Variants in TMIGD3 observed in about 807,000 individuals in gnomAD.
The protein encoded by TMIGD3 is AD026 protein (AD026).
A neutral mutation model predicts 28.1 loss-of-function variants in TMIGD3; 21 were observed. The observed-to-expected ratio is 0.75, with a 90% CI of 0.53 to 1.08. The LOEUF is 1.08. Among genes scored for constraint, TMIGD3 ranks in the 50% least tolerant of loss-of-function variants. The pLI, the probability that TMIGD3 is intolerant of heterozygous loss-of-function variation, is 0.00. For synonymous variants in TMIGD3, 151 were observed against 162.1 expected (o/e 0.93, Z 0.52); for missense variants, 416 against 435.6 (o/e 0.96, Z 0.40).
chr1:111,562,774 A>G (rs1384231906), intron 1 of TMIGD3, among the ~76,000 whole-genome samples: 1 of 152,216 alleles, frequency 6.6e-6, no homozygotes, highest in Non-Finnish European at 1.5e-5. Context: ...TCCTCTTGAT[A>G]GGCTGGAAGA....
intron 1 of TMIGD3, among the ~76,000 whole-genome samples, chr1:111,509,480 TC>T (rs1655620580): frequency 6.6e-6 from 1 of 152,138 alleles, no homozygotes; most frequent in African/African-American, 2.4e-5. Flanking sequence ...AGACTTTGGA[TC>T]CCGGTGTTGA....
At chr1:111,539,224 T>G (rs557656758) in intron 1 of TMIGD3, among the ~76,000 whole-genome samples, 1 of 152,364 alleles carries the variant, frequency 6.6e-6, no homozygotes, top group South Asian at 2.1e-4. Flanking sequence ...TACCTGATAC[T>G]ATGCTCTTCA....
chr1:111,522,400 C>T (rs949884759), intron 1 of TMIGD3, among the ~76,000 whole-genome samples: 1 of 152,238 alleles, frequency 6.6e-6, no homozygotes, highest in Non-Finnish European at 1.5e-5. Context: ...CGAACACACA[C>T]ATCATATCTC....
intron 1 of TMIGD3, among the ~76,000 whole-genome samples, chr1:111,549,649 CAAA>C (rs370585012): frequency 1.7e-4 from 16 of 94,402 alleles, no homozygotes; most frequent in Admixed American, 4.6e-4. Context: ...GACTCTGTTT[CAAA>C]AAAAAAAAAA....
intron 1 of TMIGD3, chr1:111,500,629 GGAGA>G: frequency 7.0e-7 from 1 of 1,424,382 alleles, no homozygotes; most frequent in Non-Finnish European, 9.7e-7. Context: ...AGCTGGTAAA[GGAGA>G]GAGAGAGAGG....
At chr1:111,557,805 TA>T (rs1236509336) in intron 1 of TMIGD3, among the ~76,000 whole-genome samples, 1 of 152,058 alleles carries the variant, frequency 6.6e-6, no homozygotes, top group Non-Finnish European at 1.5e-5. Flanking sequence ...GGATAAGAAG[TA>T]AAACAAACAG....
intron 1 of TMIGD3, among the ~76,000 whole-genome samples, chr1:111,555,192 C>G (rs913572613): frequency 6.6e-6 from 1 of 151,256 alleles, no homozygotes; most frequent in Non-Finnish European, 1.5e-5. Flanking sequence ...GTGACAAGAC[C>G]CTGTCTCTAC....
intron 1 of TMIGD3, among the ~76,000 whole-genome samples, chr1:111,515,602 G>A (rs552715223): frequency 6.6e-6 from 1 of 152,196 alleles, no homozygotes; most frequent in East Asian, 1.9e-4. Context: ...TGGGTTCCGC[G>A]GCAGCACGGG....
intron 1 of TMIGD3, among the ~76,000 whole-genome samples, chr1:111,536,599 C>T (rs1254360777): frequency 2.0e-5 from 3 of 152,196 alleles, no homozygotes; most frequent in Admixed American, 6.5e-5. Context: ...TCCATTTCAT[C>T]GCTCATACCC....
At chr1:111,532,193 C>T (rs2101015255) in intron 1 of TMIGD3, among the ~76,000 whole-genome samples, 1 of 152,272 alleles carries the variant, frequency 6.6e-6, no homozygotes, top group South Asian at 2.1e-4. Context: ...GGGAGACCCT[C>T]TTCAAATCTC....
At position 111,511,674 on chromosome 1, in the gene TMIGD3, T is replaced by TACACACACACACACACACACACAC. The variant is rs72064023; in HGVS notation, c.108-20936_108-20913dup. Among the ~76,000 whole-genome samples, 1,112 of 148,878 alleles carry TACACACACACACACACACACACAC rather than the reference T, an allele frequency of 7.5e-3. 14 individuals carry two copies. Among genetic ancestry groups the TACACACACACACACACACACACAC allele is most frequent in the African/African-American group, 0.026 (1,043 of 40,102 alleles). ...GTGATCTATCTCAAATGGTGCCCTT[T>TACACACACACACACACACACACAC]ACACACACACACACACACACACACG... On this transcript the variant is annotated intron_variant, in intron 1 of 5. Coordinates refer to the TMIGD3 transcript ENST00000369717.
chr1:111,526,660 G>T (rs1571436848), intron 1 of TMIGD3, among the ~76,000 whole-genome samples: 2 of 152,296 alleles, frequency 1.3e-5, no homozygotes, highest in East Asian at 3.9e-4. Context: ...TATAATGAAA[G>T]AACCTGCATT....
intron 1 of TMIGD3, among the ~76,000 whole-genome samples, chr1:111,561,503 G>T (rs1657735167): frequency 6.6e-6 from 1 of 152,142 alleles, no homozygotes; most frequent in South Asian, 2.1e-4. Flanking sequence ...GATTGTGTAT[G>T]TATTGGGGGA....
At chr1:111,513,211 T>C (rs559563201) in intron 1 of TMIGD3, among the ~76,000 whole-genome samples, 1 of 152,270 alleles carries the variant, frequency 6.6e-6, no homozygotes, top group South Asian at 2.1e-4. Flanking sequence ...GTTTCTTGAG[T>C]GTCATTCATT....
intron 1 of TMIGD3, among the ~76,000 whole-genome samples, chr1:111,531,208 G>A (rs967202388): frequency 1.3e-5 from 2 of 151,908 alleles, no homozygotes; most frequent in Admixed American, 6.5e-5. Flanking sequence ...AGCCTGGGAG[G>A]CAGAGGTTGC....
rs902772921 is a variant in TMIGD3, at chr1:111,528,305, G to T, written c.107+35541C>A. On this transcript the variant is annotated intron_variant, in intron 1 of 5. Transcript: ENST00000369717. The stretch of plus-strand genomic sequence containing the variant: ...GACATTGTATTGCCTTTGCTCACTT[G>T]TCAAAAATCAATTGACCATATTTAT... 5.3e-5 allele frequency among the ~76,000 whole-genome samples: 8 copies of T among 152,214 alleles called. No individual in the cohort carries two copies. The East Asian group carries it at 1.5e-3, about 29-fold the overall frequency.
At chr1:111,533,202 T>C (rs1308149136) in intron 1 of TMIGD3, among the ~76,000 whole-genome samples, 1 of 152,136 alleles carries the variant, frequency 6.6e-6, no homozygotes, top group Non-Finnish European at 1.5e-5. Flanking sequence ...ACAAGTTTTT[T>C]CCCCTCCACT....
At chr1:111,499,821 G>A (rs1267602682) in intron 1 of TMIGD3, 2 of 1,509,462 alleles carry the variant, frequency 1.3e-6, no homozygotes, top group African/African-American at 1.4e-5. Flanking sequence ...GGGGAGCACT[G>A]GAGATGCTCC....
chr1:111,487,722 T>C (rs1654451512), intron 3 of TMIGD3, among the ~76,000 whole-genome samples: 1 of 152,224 alleles, frequency 6.6e-6, no homozygotes, highest in Non-Finnish European at 1.5e-5. Flanking sequence ...ACCTTCCCTG[T>C]GGTCTCCAAA....
Sources: gnomAD v4.1 joint callset for allele counts (sites outside exome capture counted in the v4.1 genomes callset) on GRCh38, gnomAD v4.1.1 for gene constraint, MANE v1.5 for transcripts, NCBI Gene and HGNC (gene_info 2026-07-23, HGNC 2026-07-21) for gene names.